Variants in SYT17 observed in about 807,000 individuals in gnomAD.
The protein encoded by SYT17 is synaptotagmin 17, also known as synaptotagmin-17.
A neutral mutation model predicts 46.7 loss-of-function variants in SYT17; 22 were observed. That is an observed-to-expected ratio of 0.47 (90% confidence interval 0.34 to 0.67). The LOEUF (loss-of-function observed/expected upper bound fraction) is 0.67. Among genes scored for constraint, SYT17 ranks in the 30% least tolerant of loss-of-function variants. The pLI is 0.01. For missense variants in SYT17, 519 were observed against 612.8 expected (o/e 0.85, Z 1.62); for synonymous variants, 251 against 248.4 (o/e 1.01, Z -0.10).
At chr16:19,192,590 G>A (rs1160445740) in intron 5 of SYT17, among the ~76,000 whole-genome samples, 1 of 152,156 alleles carries the variant, frequency 6.6e-6, no homozygotes. Flanking sequence ...ACATTCATAA[G>A]AAAACGTTGA....
intron 5 of SYT17, among the ~76,000 whole-genome samples, chr16:19,207,966 C>G (rs530186551): frequency 6.6e-6 from 1 of 152,218 alleles, no homozygotes; most frequent in South Asian, 2.1e-4. Flanking sequence ...AGACCAAAAT[C>G]AAATCCTGAT....
At chr16:19,231,271 C>T (rs971028511) in intron 7 of SYT17, among the ~76,000 whole-genome samples, 1 of 152,102 alleles carries the variant, frequency 6.6e-6, no homozygotes, top group African/African-American at 2.4e-5. Context: ...TTCTGAAAGG[C>T]ACTCAAAACC....
chr16:19,173,149 G>A (rs1964169069), intron 2 of SYT17: 3 of 533,658 alleles, frequency 5.6e-6, no homozygotes, highest in East Asian at 3.1e-5. Context: ...CAAGAAAGAC[G>A]TTCACATAAA....
At chr16:19,188,199 C>A (rs1048001335) in intron 5 of SYT17, among the ~76,000 whole-genome samples, 2 of 152,070 alleles carry the variant, frequency 1.3e-5, no homozygotes, top group African/African-American at 4.8e-5. Context: ...ATGGATGGAG[C>A]TGGAGGCCAT....
chr16:19,252,605 C>T (rs983937823), intron 7 of SYT17, among the ~76,000 whole-genome samples: 1 of 140,358 alleles, frequency 7.1e-6, no homozygotes, highest in African/African-American at 2.8e-5. Context: ...CTCAGCAGCA[C>T]CTTAAAAAAA....
Position 19,168,571 on chromosome 16 carries a change from C to T in SYT17, c.-76C>T. On this transcript the variant is annotated 5_prime_UTR_variant, in exon 1 of 8. Coordinates refer to ENST00000355377, the MANE Select transcript of SYT17 (RefSeq NM_016524.4). The surrounding 1 kb of genome is among the most constrained non-coding windows in gnomAD (Gnocchi z 6.9). ...CTTCCTTTCCCCCTTTGCTTTCTTC[C>T]CCCTCCGCTGTTGGCGAGGGCAAAG... 6.5e-7 allele frequency: 1 copy of T among 1,538,860 alleles called. No homozygotes were observed. The highest frequency in any genetic ancestry group is 8.8e-7 in the Non-Finnish European group (1 of 1,139,506).
At chr16:19,176,740 C>T (rs1964329377) in intron 3 of SYT17, among the ~76,000 whole-genome samples, 1 of 152,148 alleles carries the variant, frequency 6.6e-6, no homozygotes, top group Non-Finnish European at 1.5e-5. Flanking sequence ...TGGTCTTAAA[C>T]TCCTGACCTC....
At chr16:19,193,031 AAAGGTGAAAGGTGG>A (rs889550597) in intron 5 of SYT17, among the ~76,000 whole-genome samples, 1 of 152,058 alleles carries the variant, frequency 6.6e-6, no homozygotes, top group Admixed American at 6.6e-5. Context: ...GTGGAAGGTG[AAAGGTGAAAGGTGG>A]AAGGTGGAAA....
rs1042680397 is a variant in SYT17, at chr16:19,224,957, A to T, written c.1228+119A>T. On this transcript the variant is annotated intron_variant, in intron 7 of 7. Transcript: ENST00000355377. ...AGAACGTAATGTCTGGCATTCAACT[A>T]CCTGGGTTTGAACCCACTTAACATC... 5.1e-6 allele frequency: 6 copies of T among 1,184,796 alleles called. No individual in the cohort carries two copies. In the African/African-American group the frequency reaches 7.7e-5, roughly 15 times the overall value. 73.4% of individuals were successfully genotyped at this position (1,184,796 alleles called of 1,614,324 possible). A position where few individuals can be genotyped will look rare whatever the true frequency, so the allele number is the denominator to read the frequency against.
Position 19,173,457 on chromosome 16 carries a change from C to A in SYT17, c.61C>A (p.Leu21Met). 7.0e-7 allele frequency: 1 copy of A among 1,430,416 alleles called. No homozygotes were observed. The highest frequency in any genetic ancestry group is 9.4e-7 in the Non-Finnish European group (1 of 1,066,336). The allele number at this position is 1,430,416 out of a possible 1,614,324, so 88.6% of individuals were successfully genotyped here. ...TTTTCTTTCTAGAATCTCTGGTCTG[C>A]TGCTGTGCAGATGGACCTGCCGGCA... ...EGFLSRISGL[L>M]LCRWTCRHCC... The change falls in exon 3 of 8, where the codon CTG becomes ATG. Residue 21 changes from leucine to methionine, a missense_variant. Physicochemically the swap from Leu to Met is conservative, Grantham distance 15. Coordinates refer to ENST00000355377, the MANE Select transcript of SYT17 (RefSeq NM_016524.4).
intron 7 of SYT17, among the ~76,000 whole-genome samples, chr16:19,228,857 A>T (rs942238299): frequency 1.3e-5 from 2 of 152,186 alleles, no homozygotes; most frequent in Non-Finnish European, 2.9e-5. Context: ...CATGTTTCCA[A>T]ACACTTCATA....
chr16:19,204,227 C>T (rs1047299390), intron 5 of SYT17, among the ~76,000 whole-genome samples: 4 of 152,166 alleles, frequency 2.6e-5, no homozygotes, highest in African/African-American at 9.7e-5. Context: ...CCCGACTTGT[C>T]ACCACCCAAA....
Position 19,262,526 on chromosome 16 carries a change from A to T in SYT17, c.1229-4354A>T, listed in dbSNP as rs140295591. 1.6e-3 allele frequency among the ~76,000 whole-genome samples: 240 copies of T among 152,260 alleles called. 2 individuals are homozygous for T. The highest frequency in any genetic ancestry group is 5.0e-3 in the African/African-American group (209 of 41,552). ...GAAAGGGGAAAGAGTCCTCTTTGTCATAGGAAAAAGTCCAAGAGAGACCAG... is the reference window on the plus strand; with the variant it reads ...GAAAGGGGAAAGAGTCCTCTTTGTCTTAGGAAAAAGTCCAAGAGAGACCAG... On this transcript the variant is annotated intron_variant, in intron 7 of 7. Coordinates refer to ENST00000355377, the MANE Select transcript of SYT17 (RefSeq NM_016524.4).
At chr16:19,266,857 C>T in intron 7 of SYT17, 23 bp from the exon 8 acceptor site, 1 of 1,607,584 alleles carries the variant, frequency 6.2e-7, no homozygotes, top group Non-Finnish European at 8.5e-7. Context: ...CTCCCTCCTG[C>T]CCTCAACCCT....
At chr16:19,257,453 A>C (rs964147609) in intron 7 of SYT17, among the ~76,000 whole-genome samples, 2 of 152,148 alleles carry the variant, frequency 1.3e-5, no homozygotes, top group Non-Finnish European at 2.9e-5. Flanking sequence ...AGAAGAAAAA[A>C]AAGAGAGTGC....
chr16:19,200,136 T>C (rs1965403936), intron 5 of SYT17, among the ~76,000 whole-genome samples: 1 of 152,098 alleles, frequency 6.6e-6, no homozygotes, highest in African/African-American at 2.4e-5. Context: ...TCAAAAGAGG[T>C]GAATCACCAA....
chr16:19,175,972 G>T (rs1025307732), intron 3 of SYT17, among the ~76,000 whole-genome samples: 1 of 152,194 alleles, frequency 6.6e-6, no homozygotes, highest in Non-Finnish European at 1.5e-5. Context: ...TCAGTCTCAC[G>T]TAGGAGGTAA....
Position 19,190,793 on chromosome 16 carries a change from TGTGTG to T in SYT17, c.951+6647_951+6651del, listed in dbSNP as rs1964985042. Among the ~76,000 whole-genome samples, 9 of 151,846 alleles carry T rather than the reference TGTGTG, an allele frequency of 5.9e-5. No homozygotes were observed. The South Asian group carries it at 1.7e-3, about 28-fold the overall frequency. ...CTGTGTGTGTGTGTGTGTGTGTGTGTGTGTGTGTGTGTGTGTCATATTTTGTTGAT... is the reference window on the plus strand; with the variant it reads ...CTGTGTGTGTGTGTGTGTGTGTGTGTTGTGTGTGTGTCATATTTTGTTGAT... On this transcript the variant is annotated intron_variant, in intron 5 of 7. Coordinates refer to ENST00000355377, the MANE Select transcript of SYT17 (RefSeq NM_016524.4).
At chr16:19,231,813 A>G (rs556513580) in intron 7 of SYT17, among the ~76,000 whole-genome samples, 4 of 152,326 alleles carry the variant, frequency 2.6e-5, no homozygotes, top group African/African-American at 9.6e-5. Flanking sequence ...AGAACCAGAC[A>G]TTCACGGCCT....
Sources: allele counts gnomAD v4.1 joint callset (sites outside exome capture counted in the v4.1 genomes callset), GRCh38; gene constraint gnomAD v4.1.1; non-coding constraint Gnocchi (gnomAD v3.1); transcripts MANE v1.5; gene names NCBI Gene and HGNC (gene_info 2026-07-23, HGNC 2026-07-21).